The following TACC2 variants were observed in gnomAD, a reference collection of about 807,000 sequenced individuals.
The protein encoded by TACC2 is transforming acidic coiled-coil-containing protein 2.
Under a neutral mutation model 227.3 loss-of-function variants are expected in TACC2, and 137 were observed. The ratio of observed to expected loss-of-function variants is 0.60; its 90% CI spans 0.52 to 0.69. TACC2 has a LOEUF of 0.69. Among genes scored for constraint, TACC2 ranks in the 30% least tolerant of loss-of-function variants. The pLI, the probability that TACC2 is intolerant of heterozygous loss-of-function variation, is 0.00. For synonymous variants in TACC2, 1,523 were observed against 1,487.5 expected (o/e 1.02, Z -0.55); for missense variants, 3,470 against 3,694.4 (o/e 0.94, Z 1.57).
At chr10:122,246,506 T>C (rs933423934) in intron 19 of TACC2, 1 of 152,206 alleles carries the variant, frequency 6.6e-6, no homozygotes, top group Non-Finnish European at 1.5e-5. Flanking sequence ...ATGGGGCCCG[T>C]GTAGAGACGT....
intron 3 of TACC2, among the ~76,000 whole-genome samples, chr10:122,057,183 C>T (rs2076290712): frequency 6.6e-6 from 1 of 152,154 alleles, no homozygotes; most frequent in Non-Finnish European, 1.5e-5. Flanking sequence ...AAGAGTGAGA[C>T]TCCGTCTCAA....
intron 8 of TACC2, among the ~76,000 whole-genome samples, chr10:122,197,133 C>T (rs940130702): frequency 6.6e-5 from 10 of 151,796 alleles, no homozygotes; most frequent in East Asian, 1.9e-4. Flanking sequence ...TGGTGCCGCA[C>T]GCCTGTAGTC....
chr10:122,228,138 T>C, intron 14 of TACC2, 130 bp downstream of exon 14: 1 of 951,196 alleles, frequency 1.1e-6, no homozygotes, highest in East Asian at 2.6e-5. Context: ...CCTGACTCCC[T>C]GACCACAGAA....
At chr10:122,007,253 A>G (rs181433425) in intron 1 of TACC2, among the ~76,000 whole-genome samples, 128 of 151,836 alleles carry the variant, frequency 8.4e-4, no homozygotes, top group African/African-American at 2.9e-3. Context: ...TTCTGAGATA[A>G]TTTTGTCTTT....
Position 122,226,418 on chromosome 10 carries a change from C to T in TACC2, c.7661C>T (p.Ser2554Phe), listed in dbSNP as rs1453432073. 6.2e-7 allele frequency: 1 copy of T among 1,614,022 alleles called. No homozygotes were observed. The highest frequency in any genetic ancestry group is 8.5e-7 in the Non-Finnish European group (1 of 1,180,022). The change falls in exon 13 of 23, where the codon TCT (serine) becomes TTT (phenylalanine). Residue 2554 changes from serine (S) to phenylalanine (F), a missense_variant. Transcript: ENST00000369005. ...GCCTTGTACCTTATGTTTGACACTTCTCAGGAGAGCCCTGTCAAGTCATCT... is the reference window on the plus strand; with the variant it reads ...GCCTTGTACCTTATGTTTGACACTTTTCAGGAGAGCCCTGTCAAGTCATCT... ...KQALYLMFDT[S>F]QESPVKSSPV...
intron 3 of TACC2, among the ~76,000 whole-genome samples, chr10:122,080,952 G>T (rs1049768236): frequency 6.6e-6 from 1 of 152,128 alleles, no homozygotes; most frequent in Non-Finnish European, 1.5e-5. Context: ...TAACTTTAAA[G>T]AAAATGGTAA....
intron 7 of TACC2, among the ~76,000 whole-genome samples, chr10:122,174,786 G>A (rs1272121709): frequency 6.6e-6 from 1 of 152,076 alleles, no homozygotes; most frequent in Admixed American, 6.5e-5. Context: ...AGATCTAACT[G>A]TTGAACTAAC....
At chr10:122,184,956 G>T (rs1190181631) in intron 7 of TACC2, among the ~76,000 whole-genome samples, 3 of 151,502 alleles carry the variant, frequency 2.0e-5, no homozygotes. Context: ...TGGTTGGCCA[G>T]AGCTGACTGC....
chr10:122,076,589 T>G (rs2078837943), intron 3 of TACC2, among the ~76,000 whole-genome samples: 1 of 152,198 alleles, frequency 6.6e-6, no homozygotes, highest in South Asian at 2.1e-4. Context: ...TCACAGGCTT[T>G]AGTACTTTAT....
At chr10:122,252,363 C>T (rs73357690) in intron 22 of TACC2, among the ~76,000 whole-genome samples, 7,455 of 152,082 alleles carry the variant, frequency 0.049, 587 homozygotes, top group African/African-American at 0.16. Context: ...TTGAGGGAAC[C>T]AGGGGAGGCC....
chr10:122,132,779 A>G (rs1392862104), intron 6 of TACC2, 45 bp downstream of exon 6: 1 of 1,605,460 alleles, frequency 6.2e-7, no homozygotes, highest in Non-Finnish European at 8.5e-7. Flanking sequence ...TCAGGGCCCA[A>G]TCCTTGAGGC....
intron 3 of TACC2, among the ~76,000 whole-genome samples, chr10:122,060,142 G>T (rs2136386516): frequency 6.6e-6 from 1 of 152,364 alleles, no homozygotes; most frequent in African/African-American, 2.4e-5. Context: ...CTGCTTTAGA[G>T]GAATGGGTGA....
intron 7 of TACC2, among the ~76,000 whole-genome samples, chr10:122,176,200 G>A (rs928846398): frequency 2.0e-5 from 3 of 150,050 alleles, no homozygotes; most frequent in Non-Finnish European, 4.4e-5. Context: ...AAAGTAGAAT[G>A]GTGGCTGCAG....
At chr10:122,202,667 T>TC (rs1403732262) in intron 8 of TACC2, among the ~76,000 whole-genome samples, 13 of 148,884 alleles carry the variant, frequency 8.7e-5, no homozygotes, top group South Asian at 2.2e-4. Flanking sequence ...TTTCTTTCTT[T>TC]TTTTTTTTTT....
chr10:122,095,783 T>C (rs1403221633), intron 5 of TACC2, among the ~76,000 whole-genome samples: 1 of 152,198 alleles, frequency 6.6e-6, no homozygotes, highest in Non-Finnish European at 1.5e-5. Context: ...ATGTCCTGTG[T>C]CTCCACTCTC....
chr10:122,137,960 C>T (rs895507931), intron 6 of TACC2, among the ~76,000 whole-genome samples: 2 of 152,228 alleles, frequency 1.3e-5, no homozygotes, highest in African/African-American at 4.8e-5. Context: ...ATAGCCCCTG[C>T]TGAGTGTCAT....
intron 6 of TACC2, among the ~76,000 whole-genome samples, chr10:122,139,092 G>A (rs1044015577): frequency 6.6e-5 from 10 of 152,190 alleles, no homozygotes; most frequent in South Asian, 4.1e-4. Flanking sequence ...CCAAAGCCTC[G>A]CCTATGGTTT....
At position 122,120,125 on chromosome 10, in the gene TACC2, G is replaced by A. The variant is rs533704604; in HGVS notation, c.5574-12484G>A. 1.8e-4 allele frequency among the ~76,000 whole-genome samples: 27 copies of A among 152,152 alleles called. No individual in the cohort carries two copies. In the South Asian group the frequency reaches 5.2e-3, roughly 29 times the overall value. ...TGTATGAGGAGAAGGTTCCCCCTCC[G>A]TCCTGCAACTCGCCCGTCCTCACAG... is the stretch of plus-strand genomic sequence containing the variant. On this transcript the variant is annotated intron_variant, in intron 5 of 22. Coordinates refer to ENST00000369005, the MANE Select transcript of TACC2 (RefSeq NM_206862.4).
chr10:122,238,617 T>G (rs2095910148), intron 18 of TACC2, among the ~76,000 whole-genome samples: 1 of 152,022 alleles, frequency 6.6e-6, no homozygotes, highest in African/African-American at 2.4e-5. Context: ...GGCTGGCTAA[T>G]TTTTTGTATT....
Sources: gnomAD v4.1 joint callset for allele counts (sites outside exome capture counted in the v4.1 genomes callset) on GRCh38, gnomAD v4.1.1 for gene constraint, MANE v1.5 for transcripts, NCBI Gene and HGNC (gene_info 2026-07-23, HGNC 2026-07-21) for gene names.